The following LHX1 variants were observed in gnomAD, a reference collection of about 807,000 sequenced individuals.
LHX1 encodes the protein LIM/homeobox protein Lhx1.
Under a neutral mutation model 34.1 loss-of-function variants are expected in LHX1, and 9 were observed. The observed-to-expected ratio is 0.26, with a 90% CI of 0.16 to 0.46. The LOEUF (loss-of-function observed/expected upper bound fraction) is 0.46. Ranked by LOEUF, LHX1 falls within the 20% of genes least tolerant of loss-of-function variation. LHX1 has a pLI of 1.00. For missense variants in LHX1, 446 were observed against 559.1 expected (o/e 0.80, Z 2.04); for synonymous variants, 254 against 241.5 (o/e 1.05, Z -0.48).
Position 36,938,111 on chromosome 17 carries a change from C to G in LHX1, c.-87C>G. On this transcript the variant is annotated 5_prime_UTR_variant, in exon 1 of 5. Transcript: ENST00000614239. ...TCCTCTTTTTGGAGAGACTGGGGAG[C>G]TCGTGCCGATTGTCTTCAGGAGTCA... is the stretch of plus-strand genomic sequence containing the variant. 7.6e-7 allele frequency: 1 copy of G among 1,316,318 alleles called. No individual in the cohort carries two copies. The highest frequency in any genetic ancestry group is 1.1e-6 in the Non-Finnish European group (1 of 915,276). 81.5% of individuals were successfully genotyped at this position (1,316,318 alleles called of 1,614,324 possible).
At chr17:36,939,665 C>T (rs1301596910) in intron 1 of LHX1, among the ~76,000 whole-genome samples, 9 of 151,704 alleles carry the variant, frequency 5.9e-5, no homozygotes, top group Non-Finnish European at 1.3e-4. Flanking sequence ...CCAGAGCCAG[C>T]TCCCGCAGCT....
In LHX1 at chr17:36,938,314, C is replaced by T; in HGVS notation, c.117C>T (p.Thr39=). The T allele has an allele frequency of 6.2e-7, 1 of 1,614,194 alleles. No homozygotes were observed. Among genetic ancestry groups the T allele is most frequent in the Non-Finnish European group, 8.5e-7 (1 of 1,180,012 alleles). ...VQCCECKCNL[T]EKCFSREGKL... ...GCTGTGAATGTAAATGCAACCTGAC[C>T]GAGAAGTGCTTCTCCAGGGAAGGCA... Residue 39 remains threonine (T), a synonymous_variant, in exon 1 of 5, where the codon ACC becomes ACT. Transcript: ENST00000614239.
rs2070754591 is a variant in LHX1 at position 36,940,124 on chromosome 17, T to G, written c.171-166T>G. The G allele has an allele frequency of 4.8e-6, 3 of 624,602 alleles. No homozygotes were observed. In the African/African-American group the frequency reaches 5.5e-5, roughly 11 times the overall value. The allele number at this position is 624,602 out of a possible 1,614,324, so 38.7% of individuals were successfully genotyped here. A position where few individuals can be genotyped will look rare whatever the true frequency, so the allele number is the denominator to read the frequency against. On this transcript the variant is annotated intron_variant, in intron 1 of 4. Transcript: ENST00000614239. ...ACCTGCTTAACCGGAATTCTGCCTCTCTTTATCTCTCTCTTCCCTTCTTTC... is the reference window on the plus strand; with the variant it reads ...ACCTGCTTAACCGGAATTCTGCCTCGCTTTATCTCTCTCTTCCCTTCTTTC...
intron 3 of LHX1, chr17:36,941,471 A>T (rs2070764666): frequency 3.2e-6 from 1 of 312,708 alleles, no homozygotes; most frequent in South Asian, 2.7e-5. Flanking sequence ...GGCGGAAAGG[A>T]GGTGAGACTG....
chr17:36,942,413 C>T (rs2070771676), intron 4 of LHX1, 48 bp downstream of exon 4: 2 of 1,543,356 alleles, frequency 1.3e-6, no homozygotes, highest in African/African-American at 1.4e-5. Context: ...GGGCGGGCTT[C>T]GTTGGAAGCG....
rs1440364538 is a variant in LHX1 at position 36,944,582 on chromosome 17, T to A, written c.*1451T>A. On this transcript the variant is annotated 3_prime_UTR_variant, in exon 5 of 5. Transcript: ENST00000614239. ...AAAACATGTTGAATAAATTTGTGAG[T>A]TTTTAATAAAAATAGAAAATCTGAT... 1.3e-5 allele frequency: 2 copies of A among 152,188 alleles called. No individual in the cohort carries two copies. Among genetic ancestry groups the A allele is most frequent in the Non-Finnish European group, 2.9e-5 (2 of 68,040 alleles). 9.4% of individuals were successfully genotyped at this position (152,188 alleles called of 1,614,324 possible). A position where few individuals can be genotyped will look rare whatever the true frequency, so the allele number is the denominator to read the frequency against.
chr17:36,939,428 C>G (rs1281572286), intron 1 of LHX1, among the ~76,000 whole-genome samples: 1 of 152,182 alleles, frequency 6.6e-6, no homozygotes, highest in East Asian at 1.9e-4. Flanking sequence ...CGCGCTGTCC[C>G]CAGTGCCGCT....
At chr17:36,938,775 C>G in intron 1 of LHX1, 1 of 353,882 alleles carries the variant, frequency 2.8e-6, no homozygotes, top group Non-Finnish European at 5.5e-6. Flanking sequence ...GGCTCCCTCC[C>G]GGCCACTACC....
chr17:36,942,740 G>T lies in LHX1; in HGVS notation c.842-12G>T. 2 of 1,496,298 alleles carry T rather than the reference G, an allele frequency of 1.3e-6. No individual in the cohort carries two copies. The highest frequency in any genetic ancestry group is 1.4e-5 in the South Asian group (1 of 73,358). 92.7% of individuals were successfully genotyped at this position (1,496,298 alleles called of 1,614,324 possible). A position where few individuals can be genotyped will look rare whatever the true frequency, so the allele number is the denominator to read the frequency against. On this transcript the variant is annotated splice_polypyrimidine_tract_variant and intron_variant, in intron 4 of 4. Coordinates refer to ENST00000614239, the MANE Select transcript of LHX1 (RefSeq NM_005568.5). Reference sequence around the variant, plus strand: ...GGCCCTGACGTCCTGCGCCCTCCCCGCCGCTCCGCAGATTACCAGAGCGAG... The same window carrying T: ...GGCCCTGACGTCCTGCGCCCTCCCCTCCGCTCCGCAGATTACCAGAGCGAG...
At chr17:36,941,613 C>A (rs887777501) in intron 3 of LHX1, 4 of 224,812 alleles carry the variant, frequency 1.8e-5, no homozygotes, top group South Asian at 6.1e-5. Flanking sequence ...ATGTGTGCAA[C>A]ACGGAAGGCC....
rs1397216510 is a variant in LHX1, at chr17:36,943,116, G to T, written c.1206G>T (p.Glu402Asp). The change falls in exon 5 of 5, where the codon GAG becomes GAT. Residue 402 changes from glutamate to aspartate, a missense_variant. Glu to Asp is a conservative substitution (Grantham distance 45, BLOSUM62 2). Around this residue, in one of 3 missense-constraint regions of LHX1, gnomAD observed 235 missense variants for 224.4 expected, o/e 1.05. Transcript: ENST00000614239. ...TGTCCCACCCCCCCGAAATGAACGAGGCGGCCGTGTGGTAGCGGGGTCTCG... is the reference window on the plus strand; with the variant it reads ...TGTCCCACCCCCCCGAAATGAACGATGCGGCCGTGTGGTAGCGGGGTCTCG... ...NHLSHPPEMNEAAVW is the reference protein window; with the variant it reads ...NHLSHPPEMNDAAVW 2.7e-5 allele frequency: 43 copies of T among 1,612,294 alleles called. 1 individual carries two copies. In the Admixed American group the frequency reaches 7.0e-4, roughly 26 times the overall value.
chr17:36,942,971 C>G lies in LHX1; in HGVS notation c.1061C>G (p.Ser354Trp). The change falls in exon 5 of 5, where the codon TCG becomes TGG. Residue 354 changes from serine (S) to tryptophan (W), a missense_variant. By Grantham distance (177) the Ser-to-Trp change is radical (BLOSUM62 -3). This residue lies in a region of LHX1 where 235 missense variants were observed against 224.4 expected (regional missense o/e 1.05). Transcript: ENST00000614239. ...ATCCTGGCGCACCCACCCGGGGACT[C>G]GCCCAGCCCCGAGCCCAGCCTGCCC... ...TDILAHPPGDSPSPEPSLPGP... is the reference protein window; with the variant it reads ...TDILAHPPGDWPSPEPSLPGP... 1 of 1,610,848 alleles carries G rather than the reference C, an allele frequency of 6.2e-7. No homozygotes were observed. The highest frequency in any genetic ancestry group is 8.5e-7 in the Non-Finnish European group (1 of 1,179,126).
chr17:36,942,939 TACCGAC>T lies in LHX1; in HGVS notation c.1031_1036del (p.Thr344_Asp345del). 6.2e-7 allele frequency: 1 copy of T among 1,607,938 alleles called. No individual in the cohort carries two copies. ...ACCCGTCGAGCGAGGCGCAGCGGTT[TACCGAC>T]ATCCTGGCGCACCCACCCGGGGACT... On this transcript the variant is annotated inframe_deletion, in exon 5 of 5. Transcript: ENST00000614239.
chr17:36,943,003 C>G lies in LHX1; in HGVS notation c.1093C>G (p.Leu365Val). The G allele has an allele frequency of 6.2e-7, 1 of 1,611,238 alleles. No homozygotes were observed. The highest frequency in any genetic ancestry group is 1.3e-5 in the African/African-American group (1 of 74,992). ...PSPEPSLPGP[L>V]HSMSAEVFGP... ...CCCCGAGCCCAGCCTGCCCGGGCCTCTGCACTCCATGTCGGCCGAGGTCTT... is the reference window on the plus strand; with the variant it reads ...CCCCGAGCCCAGCCTGCCCGGGCCTGTGCACTCCATGTCGGCCGAGGTCTT... Residue 365 changes from leucine (L) to valine (V), a missense_variant, in exon 5 of 5, where the codon CTG (leucine) becomes GTG (valine). By Grantham distance (32) the Leu-to-Val change is conservative. Around this residue, in one of 3 missense-constraint regions of LHX1, gnomAD observed 235 missense variants for 224.4 expected, o/e 1.05. Transcript: ENST00000614239.
Position 36,938,538 on chromosome 17 carries a change from G to C in LHX1, c.170+171G>C. ...CCGCCAGCTGGCGCGCTGGGAGCCC[G>C]GGACGCGGCCCTGCTTGCATCCTGG... On this transcript the variant is annotated intron_variant, in intron 1 of 4. Transcript: ENST00000614239. The C allele has an allele frequency of 2.8e-6, 2 of 712,956 alleles. 1 individual carries two copies. The highest frequency in any genetic ancestry group is 3.0e-5 in the South Asian group (2 of 67,120). 44.2% of individuals were successfully genotyped at this position (712,956 alleles called of 1,614,324 possible).
At chr17:36,942,549 A>G (rs2070772719) in intron 4 of LHX1, among the ~76,000 whole-genome samples, 184 bp downstream of exon 4, 1 of 152,184 alleles carries the variant, frequency 6.6e-6, no homozygotes, top group South Asian at 2.1e-4. Flanking sequence ...ACGGCCCTGA[A>G]TAACGGGGGT....
At chr17:36,940,028 CTGGCT>C in intron 1 of LHX1, 1 of 591,416 alleles carries the variant, frequency 1.7e-6, no homozygotes, top group Non-Finnish European at 3.0e-6. Context: ...GCTTGGGCCC[CTGGCT>C]CTAACCGCGT....
At chr17:36,942,069 C>A in intron 3 of LHX1, 131 bp from the exon 4 acceptor site, 2 of 871,892 alleles carry the variant, frequency 2.3e-6, no homozygotes, top group Non-Finnish European at 3.6e-6. Context: ...CACCACTACC[C>A]TACACACACA....
At chr17:36,937,054 AAGG>A (rs1348203868), upstream of LHX1, 148 of 286,280 alleles carry the variant, frequency 5.2e-4, 1 homozygote, top group African/African-American at 3.4e-3. Context: ...AAAAAAAAAA[AAGG>A]AAGGAGGCTA....
Sources: gnomAD v4.1 joint callset for allele counts (sites outside exome capture counted in the v4.1 genomes callset) on GRCh38, gnomAD v4.1.1 for gene constraint, gnomAD v4.1.1 regional missense constraint, MANE v1.5 for transcripts, NCBI Gene and HGNC (gene_info 2026-07-23, HGNC 2026-07-21) for gene names.